NRG4: variants seen among roughly 807,000 people sequenced by gnomAD.
The protein encoded by NRG4 is pro-neuregulin-4, membrane-bound isoform.
Under a neutral mutation model 15.0 loss-of-function variants are expected in NRG4, and 10 were observed. The ratio of observed to expected loss-of-function variants is 0.67; its 90% confidence interval spans 0.41 to 1.13. The LOEUF is 1.13. NRG4 is among the 50% of genes most tolerant of loss of function. The pLI is 0.00. For missense variants in NRG4, 139 were observed against 140.2 expected (o/e 0.99, Z 0.04); for synonymous variants, 41 against 50.1 (o/e 0.82, Z 0.77).
chr15:75,943,742 C>T, intron 5 of NRG4, 88 bp from the exon 6 acceptor site: 1 of 850,500 alleles, frequency 1.2e-6, no homozygotes, highest in Non-Finnish European at 1.9e-6. Context: ...TTATCTTCTT[C>T]ACATATATAA....
intron 3 of NRG4, among the ~76,000 whole-genome samples, chr15:75,974,361 C>CT (rs1555432199): frequency 6.6e-6 from 1 of 152,154 alleles, no homozygotes; most frequent in South Asian, 2.1e-4. Flanking sequence ...GTGTCTCTAT[C>CT]TCTTTCTGTT....
intron 5 of NRG4, among the ~76,000 whole-genome samples, chr15:75,946,624 G>T (rs1207623502): frequency 6.6e-6 from 1 of 152,170 alleles, no homozygotes; most frequent in African/African-American, 2.4e-5. Context: ...CTCCCAAAGT[G>T]CTGGGATTAT....
chr15:75,947,626 C>G (rs1442114943), intron 5 of NRG4, among the ~76,000 whole-genome samples: 4 of 152,140 alleles, frequency 2.6e-5, no homozygotes, highest in Admixed American at 6.5e-5. Context: ...CTGTTTGAGT[C>G]CATTCTTTCA....
Position 75,977,502 on chromosome 15 carries a change from C to T in NRG4, c.105-15528G>A, listed in dbSNP as rs1035870837. Among the ~76,000 whole-genome samples, 1 of 152,220 alleles carries T rather than the reference C, an allele frequency of 6.6e-6. No homozygotes were observed. The highest frequency in any genetic ancestry group is 1.5e-5 in the Non-Finnish European group (1 of 68,038). ...CGGGTTGCAAAGACCATGGGAAAAGCATAGCATCTGGGCCAGAATGCACCA... is the reference window on the plus strand; with the variant it reads ...CGGGTTGCAAAGACCATGGGAAAAGTATAGCATCTGGGCCAGAATGCACCA... On this transcript the variant is annotated intron_variant, in intron 3 of 5. Coordinates refer to ENST00000394907, the MANE Select transcript of NRG4 (RefSeq NM_138573.4). This position sits in a 1 kb window ranked among gnomAD's most constrained non-coding sequence, Gnocchi z 4.9.
chr15:75,988,483 A>G (rs1048246222), intron 3 of NRG4, among the ~76,000 whole-genome samples: 1 of 152,194 alleles, frequency 6.6e-6, no homozygotes, highest in Non-Finnish European at 1.5e-5. Flanking sequence ...CACCACGTCC[A>G]GCCTACAACT....
intron 3 of NRG4, chr15:76,005,734 T>C (rs1301252493): frequency 2.8e-6 from 1 of 357,906 alleles, no homozygotes. Flanking sequence ...AGAGAAAATA[T>C]ACCTCTTACT....
chr15:76,038,987 C>T (rs1301973301), intron 4 of NRG4, among the ~76,000 whole-genome samples: 6 of 152,148 alleles, frequency 3.9e-5, no homozygotes, highest in Non-Finnish European at 8.8e-5. Flanking sequence ...AGAATTCTTC[C>T]AGAATTATCC....
chr15:76,044,651 C>T lies in NRG4; in HGVS notation c.-105+7416G>A, dbSNP rs190320951. Among the ~76,000 whole-genome samples the T allele has an allele frequency of 3.1e-3, 465 of 148,980 alleles. 15 individuals carry two copies. Among genetic ancestry groups the T allele is most frequent in the Non-Finnish European group, 4.2e-3 (282 of 67,390 alleles). On this transcript the variant is annotated intron_variant, in intron 4 of 8. Transcript: ENST00000563910. ...GAGATCAAGACCATCCTGGCTAACA[C>T]GGTGAAACCCCGTCTCTACTAAAAA...
rs1375225792 is a variant in NRG4, at chr15:75,943,565, C to A, written c.*73G>T. ...GAAATAAAGGATTAGATTTTTAATT[C>A]TTTTACCTAGTGGTGTTTCATTTTC... On this transcript the variant is annotated 3_prime_UTR_variant, in exon 6 of 6. Coordinates refer to ENST00000394907, the MANE Select transcript of NRG4 (RefSeq NM_138573.4). The A allele has an allele frequency of 3.4e-6, 3 of 885,760 alleles. No homozygotes were observed. The highest frequency in any genetic ancestry group is 2.4e-5 in the East Asian group (1 of 41,398). The allele number at this position is 885,760 out of a possible 1,614,324, so 54.9% of individuals were successfully genotyped here.
At chr15:76,046,382 T>C (rs1459218701) in intron 4 of NRG4, among the ~76,000 whole-genome samples, 1 of 151,116 alleles carries the variant, frequency 6.6e-6, no homozygotes, top group Non-Finnish European at 1.5e-5. Context: ...ACCAAAGACC[T>C]GGAATAGACA....
At chr15:76,029,822 A>C (rs2035423769) in intron 5 of NRG4, among the ~76,000 whole-genome samples, 1 of 152,262 alleles carries the variant, frequency 6.6e-6, no homozygotes, top group Non-Finnish European at 1.5e-5. Flanking sequence ...AGAAGGTTTA[A>C]CATTGTTTAA....
At chr15:76,025,253 C>G (rs1018338366) in intron 5 of NRG4, among the ~76,000 whole-genome samples, 6 of 151,646 alleles carry the variant, frequency 4.0e-5, no homozygotes, top group African/African-American at 1.2e-4. Flanking sequence ...TCCTGGCTAA[C>G]ACGGTGAAAC....
intron 3 of NRG4, among the ~76,000 whole-genome samples, chr15:76,052,767 T>C (rs1231483078): frequency 6.6e-6 from 1 of 151,154 alleles, no homozygotes; most frequent in Non-Finnish European, 1.5e-5. Flanking sequence ...ACCTTAATTA[T>C]ATCAAAGTGG....
chr15:75,953,022 T>C (rs935619757), intron 5 of NRG4, among the ~76,000 whole-genome samples: 30 of 152,318 alleles, frequency 2.0e-4, no homozygotes, highest in Admixed American at 1.6e-3. Flanking sequence ...TTTTTAATGT[T>C]GATGAATCCA....
At chr15:75,950,137 TTC>T (rs2031790386) in intron 5 of NRG4, among the ~76,000 whole-genome samples, 1 of 152,208 alleles carries the variant, frequency 6.6e-6, no homozygotes, top group Non-Finnish European at 1.5e-5. Context: ...AGGTCTTCAT[TTC>T]TCTCAGCAAT....
intron 2 of NRG4, 48 bp from the exon 3 acceptor site, chr15:76,009,341 C>A: frequency 1.2e-6 from 1 of 823,942 alleles, no homozygotes. Flanking sequence ...TTAAAGTTTT[C>A]CTAATGCAAC....
Position 76,017,568 on chromosome 15 carries a change from G to GATTTTATT in NRG4, c.-56-6290_-56-6283dup, listed in dbSNP as rs891513003. Among the ~76,000 whole-genome samples, 8 of 152,158 alleles carry GATTTTATT rather than the reference G, an allele frequency of 5.3e-5. No individual in the cohort carries two copies. In the East Asian group the frequency reaches 1.5e-3, roughly 29 times the overall value. On this transcript the variant is annotated intron_variant, in intron 5 of 8. Coordinates refer to the NRG4 transcript ENST00000563910. ...TCTCAGCATTTGCTTGTCTGTAAAG[G>GATTTTATT]ATTTTATTTCTCCTTCACTAATGAA...
At chr15:76,006,582 G>A (rs1188710295) in intron 3 of NRG4, among the ~76,000 whole-genome samples, 2 of 152,082 alleles carry the variant, frequency 1.3e-5, no homozygotes, top group African/African-American at 2.4e-5. Flanking sequence ...TGCAAAGAGG[G>A]TGCCAAGCCA....
In NRG4 at chr15:75,942,518, A is replaced by G. The variant is rs1389751787; in HGVS notation, c.*1120T>C. ...ATAAAGTCTATTAAAATTATGTGAG[A>G]GCTTTTCATTTTGTGTACTCTGTCT... On this transcript the variant is annotated 3_prime_UTR_variant, in exon 6 of 6. Coordinates refer to ENST00000394907, the MANE Select transcript of NRG4 (RefSeq NM_138573.4). 6.6e-6 allele frequency: 1 copy of G among 152,110 alleles called. No homozygotes were observed. Among genetic ancestry groups the G allele is most frequent in the Admixed American group, 6.5e-5 (1 of 15,268 alleles). 9.4% of individuals were successfully genotyped at this position (152,110 alleles called of 1,614,324 possible). A position where few individuals can be genotyped will look rare whatever the true frequency, so the allele number is the denominator to read the frequency against.
Sources: allele counts gnomAD v4.1 joint callset (sites outside exome capture counted in the v4.1 genomes callset), GRCh38; gene constraint gnomAD v4.1.1; non-coding constraint Gnocchi (gnomAD v3.1); transcripts MANE v1.5; gene names NCBI Gene and HGNC (gene_info 2026-07-23, HGNC 2026-07-21).